Variants in DOK6 observed in about 807,000 individuals in gnomAD.
The protein encoded by DOK6 is docking protein 6.
Under a neutral mutation model 44.0 loss-of-function variants are expected in DOK6, and 22 were observed. The ratio of observed to expected loss-of-function variants is 0.50; its 90% CI spans 0.36 to 0.71. The LOEUF (loss-of-function observed/expected upper bound fraction) is 0.71. Among genes scored for constraint, DOK6 ranks in the 30% least tolerant of loss-of-function variants. The probability of loss-of-function intolerance (pLI) is 0.00; values close to 1 mark genes in which losing one functional copy is unlikely to be tolerated. For synonymous variants in DOK6, 166 were observed against 145.5 expected (o/e 1.14, Z -1.01); for missense variants, 340 against 416.4 (o/e 0.82, Z 1.60).
At position 69,619,812 on chromosome 18, in the gene DOK6, CAT is replaced by C. The variant is rs548728655; in HGVS notation, c.289+20315_289+20316del. 3.2e-3 allele frequency among the ~76,000 whole-genome samples: 491 copies of C among 152,262 alleles called. 1 individual carries two copies. Among genetic ancestry groups the C allele is most frequent in the Non-Finnish European group, 6.0e-3 (410 of 68,024 alleles). On this transcript the variant is annotated intron_variant, in intron 3 of 7. Transcript: ENST00000382713. The stretch of plus-strand genomic sequence containing the variant: ...CATAAACTTATCGTGGTGTTGTGAA[CAT>C]GTGTGTAAACATACACACGCACACA...
intron 3 of DOK6, among the ~76,000 whole-genome samples, chr18:69,620,425 T>C (rs1220806736): frequency 6.6e-6 from 1 of 152,190 alleles, no homozygotes; most frequent in Non-Finnish European, 1.5e-5. Flanking sequence ...CATCCATCAG[T>C]ATAATTACAT....
At chr18:69,460,426 T>C (rs1017769767) in intron 1 of DOK6, among the ~76,000 whole-genome samples, 3 of 152,150 alleles carry the variant, frequency 2.0e-5, no homozygotes, top group Non-Finnish European at 2.9e-5. Context: ...TATACATATA[T>C]TGAGGTATAT....
chr18:69,469,084 A>AAG (rs1980012107), intron 1 of DOK6, among the ~76,000 whole-genome samples: 1 of 152,210 alleles, frequency 6.6e-6, no homozygotes, highest in Admixed American at 6.5e-5. Flanking sequence ...TTTGCTTAGA[A>AAG]AGTGAATGAC....
chr18:69,488,940 A>C (rs780166783), intron 1 of DOK6, among the ~76,000 whole-genome samples: 1 of 152,244 alleles, frequency 6.6e-6, no homozygotes, highest in Non-Finnish European at 1.5e-5. Context: ...CCATATTAAC[A>C]GAGAAATAGG....
intron 3 of DOK6, among the ~76,000 whole-genome samples, chr18:69,631,700 C>T (rs1367855950): frequency 1.3e-5 from 2 of 152,094 alleles, no homozygotes; most frequent in Admixed American, 6.5e-5. Context: ...CGTTTGATAC[C>T]GTGAATACAT....
At chr18:69,802,328 G>T (rs944736909) in intron 7 of DOK6, among the ~76,000 whole-genome samples, 1 of 152,066 alleles carries the variant, frequency 6.6e-6, no homozygotes, top group African/African-American at 2.4e-5. Context: ...CATTCGGTAC[G>T]CTCCTTGACT....
intron 3 of DOK6, among the ~76,000 whole-genome samples, chr18:69,650,198 A>G (rs138006246): frequency 2.0e-5 from 3 of 150,388 alleles, no homozygotes; most frequent in Non-Finnish European, 3.0e-5. Context: ...TATCATCTTT[A>G]AAAAAAAACG....
intron 7 of DOK6, among the ~76,000 whole-genome samples, chr18:69,804,540 C>T (rs1466172360): frequency 2.0e-5 from 3 of 152,144 alleles, no homozygotes; most frequent in Non-Finnish European, 4.4e-5. Flanking sequence ...ATAAATTATA[C>T]ACATTATATG....
chr18:69,440,656 T>G (rs1979111282), intron 1 of DOK6, among the ~76,000 whole-genome samples: 1 of 152,066 alleles, frequency 6.6e-6, no homozygotes, highest in South Asian at 2.1e-4. Flanking sequence ...CCTCTAGCAT[T>G]TATTGTGTCT....
At position 69,482,067 on chromosome 18, in the gene DOK6, GTTGT is replaced by G. The variant is rs1364348346; in HGVS notation, c.66+80764_66+80767del. Among the ~76,000 whole-genome samples, 11 of 152,268 alleles carry G rather than the reference GTTGT, an allele frequency of 7.2e-5. No individual in the cohort carries two copies. In the East Asian group the frequency reaches 2.1e-3, roughly 29 times the overall value. ...TATCCTTTGCCCAATTTTTGATGGG[GTTGT>G]TTGTTTTTTTCTTGTAAATTTGTTT... On this transcript the variant is annotated intron_variant, in intron 1 of 7. Transcript: ENST00000382713.
intron 2 of DOK6, among the ~76,000 whole-genome samples, chr18:69,579,571 C>CTTTTT (rs11463109): frequency 6.8e-6 from 1 of 147,602 alleles, no homozygotes. Flanking sequence ...GCCAACTTTT[C>CTTTTT]TTTTTTTTTT....
intron 1 of DOK6, among the ~76,000 whole-genome samples, chr18:69,526,424 A>G (rs146180086): frequency 6.6e-6 from 1 of 152,254 alleles, no homozygotes. Flanking sequence ...TCAGTATTGC[A>G]TTTCATTATA....
At chr18:69,488,419 C>G (rs1980643992) in intron 1 of DOK6, among the ~76,000 whole-genome samples, 1 of 152,202 alleles carries the variant, frequency 6.6e-6, no homozygotes, top group African/African-American at 2.4e-5. Flanking sequence ...ACTGGTGCCA[C>G]CAGCTCATTA....
intron 7 of DOK6, among the ~76,000 whole-genome samples, chr18:69,806,247 T>C (rs1046555496): frequency 4.6e-5 from 7 of 151,972 alleles, no homozygotes; most frequent in Admixed American, 2.0e-4. Context: ...GTTTTACTTA[T>C]GTTTTCTTAG....
chr18:69,589,929 T>C (rs576289135), intron 2 of DOK6, among the ~76,000 whole-genome samples: 2 of 152,258 alleles, frequency 1.3e-5, no homozygotes, highest in Admixed American at 6.5e-5. Flanking sequence ...CTTATTAACC[T>C]TTTTGAACTA....
chr18:69,747,593 G>GCCCCCC (rs1356674601), intron 6 of DOK6, among the ~76,000 whole-genome samples: 7 of 148,384 alleles, frequency 4.7e-5, no homozygotes, highest in African/African-American at 1.5e-4. Flanking sequence ...TTTCCGCTCC[G>GCCCCCC]CCCCCTCCCC....
chr18:69,588,251 T>A (rs1338804768), intron 2 of DOK6, among the ~76,000 whole-genome samples: 1 of 152,192 alleles, frequency 6.6e-6, no homozygotes, highest in Non-Finnish European at 1.5e-5. Context: ...GGACTGTGAA[T>A]AACAGAAACC....
chr18:69,648,364 A>C (rs910805728), intron 3 of DOK6, among the ~76,000 whole-genome samples: 4 of 152,140 alleles, frequency 2.6e-5, no homozygotes, highest in Non-Finnish European at 4.4e-5. Flanking sequence ...TAACCTGTAC[A>C]CCAAACCCCT....
At chr18:69,784,515 T>A (rs1184109726) in intron 7 of DOK6, among the ~76,000 whole-genome samples, 2 of 151,716 alleles carry the variant, frequency 1.3e-5, no homozygotes, top group Admixed American at 1.3e-4. Context: ...AATATTATGA[T>A]GCACTTGTAA....
Sources: allele counts gnomAD v4.1 joint callset (sites outside exome capture counted in the v4.1 genomes callset), GRCh38; gene constraint gnomAD v4.1.1; transcripts MANE v1.5; gene names NCBI Gene and HGNC (gene_info 2026-07-23, HGNC 2026-07-21).